The following INSL6 variants were observed in gnomAD, a reference collection of about 807,000 sequenced individuals.
The protein encoded by INSL6 is insulin-like peptide INSL6.
A neutral mutation model predicts 9.4 loss-of-function variants in INSL6; 16 were observed. The observed-to-expected ratio is 1.70, with a 90% CI of 1.15 to 2.59. INSL6 has a LOEUF of 2.59. Ranked by LOEUF, INSL6 falls within the 30% of genes most tolerant of loss-of-function variation. The probability of loss-of-function intolerance (pLI) is 0.00; values close to 1 mark genes in which losing one functional copy is unlikely to be tolerated. For missense variants in INSL6, 391 were observed against 257.3 expected, an observed-to-expected ratio of 1.52 and a Z score of -3.56; for synonymous variants, 154 against 96.9, an observed-to-expected ratio of 1.59 and a Z score of -3.46.
At chr9:5,115,523 G>C in the INSL6 span, among the ~76,000 whole-genome samples, 2 of 152,122 alleles carry the variant, frequency 1.3e-5, no homozygotes, top group Non-Finnish European at 1.5e-5. Flanking sequence ...AGGATCCAGA[G>C]TTAGAAATAC....
At chr9:5,050,681 T>A in the INSL6 span, 8 of 1,610,056 alleles carry the variant, frequency 5.0e-6, no homozygotes, top group Non-Finnish European at 6.8e-6. Context: ...AATTTTTGGT[T>A]TTAGTGGCGG....
chr9:5,084,385 A>C, the INSL6 span, among the ~76,000 whole-genome samples: 71 of 152,172 alleles, frequency 4.7e-4, no homozygotes, highest in African/African-American at 1.7e-3. Flanking sequence ...TCCTACAAAA[A>C]TGATTGCATG....
At chr9:5,096,618 G>A in the INSL6 span, 1 of 152,106 alleles carries the variant, frequency 6.6e-6, no homozygotes, top group Admixed American at 6.5e-5. Flanking sequence ...TCTGTCTTTA[G>A]ATTTACAGTC....
chr9:5,119,396 T>G (rs1338542161), downstream of INSL6, among the ~76,000 whole-genome samples: 1 of 152,076 alleles, frequency 6.6e-6, no homozygotes, highest in Non-Finnish European at 1.5e-5. Flanking sequence ...CACTTTCATG[T>G]ATAATTTTGT....
chr9:5,036,335 C>G, the INSL6 span, among the ~76,000 whole-genome samples: 1 of 152,198 alleles, frequency 6.6e-6, no homozygotes, highest in Non-Finnish European at 1.5e-5. Context: ...CCATCCCCAT[C>G]AAGCTACAGA....
chr9:5,110,847 G>A, the INSL6 span: 3,653 of 470,800 alleles, frequency 7.8e-3, 139 homozygotes, highest in African/African-American at 0.066. Context: ...AAGGTGGGGG[G>A]GACGCTTCAT....
chr9:5,137,300 C>G (rs1451367084), intron 2 of INSL6, among the ~76,000 whole-genome samples: 4 of 152,086 alleles, frequency 2.6e-5, no homozygotes, highest in South Asian at 4.2e-4. Flanking sequence ...AAAAAAAGAG[C>G]CTGCATAGCC....
At chr9:5,112,422 GCGGCTGA>G in the INSL6 span, 3 of 495,418 alleles carry the variant, frequency 6.1e-6, no homozygotes, top group Admixed American at 2.9e-5. Flanking sequence ...GAACACGTCG[GCGGCTGA>G]CCACTCAAGA....
chr9:5,123,749 C>G (rs547597441), downstream of INSL6, among the ~76,000 whole-genome samples: 1 of 152,016 alleles, frequency 6.6e-6, no homozygotes, highest in Non-Finnish European at 1.5e-5. Flanking sequence ...AGAGGTTGTA[C>G]AAATGCACAT....
the INSL6 span, among the ~76,000 whole-genome samples, chr9:5,107,039 A>G: frequency 6.6e-6 from 1 of 152,172 alleles, no homozygotes; most frequent in African/African-American, 2.4e-5. Flanking sequence ...ATAAAAATAT[A>G]TATACATCAC....
chr9:5,022,184 A>C, the INSL6 span: 3 of 1,614,066 alleles, frequency 1.9e-6, no homozygotes, highest in South Asian at 2.2e-5. Flanking sequence ...GTTGCAGAAG[A>C]AATCTGTATT....
chr9:5,065,158 A>G, the INSL6 span: 1 of 566,942 alleles, frequency 1.8e-6, no homozygotes, highest in Non-Finnish European at 2.8e-6. Flanking sequence ...AGTTTTTTTT[A>G]AACAAAAGGC....
chr9:5,031,677 CA>C, the INSL6 span, among the ~76,000 whole-genome samples: 1 of 152,192 alleles, frequency 6.6e-6, no homozygotes, highest in Non-Finnish European at 1.5e-5. Flanking sequence ...ATTTAAGTTG[CA>C]AAACAATAGA....
downstream of INSL6, among the ~76,000 whole-genome samples, chr9:5,121,760 G>C (rs1202373682): frequency 6.6e-6 from 1 of 152,060 alleles, no homozygotes; most frequent in East Asian, 1.9e-4. Context: ...TCAACAAGGG[G>C]AATTAATTTT....
chr9:5,112,761 T>C, the INSL6 span: 1 of 628,232 alleles, frequency 1.6e-6, no homozygotes, highest in Non-Finnish European at 2.5e-6. Context: ...GAAGAGAAGG[T>C]GTCGCGCGTG....
the INSL6 span, chr9:5,029,989 C>G: frequency 1.6e-6 from 2 of 1,227,494 alleles, no homozygotes; most frequent in African/African-American, 1.5e-5. Flanking sequence ...TTGCAAGGTA[C>G]TTAATACCAG....
the INSL6 span, among the ~76,000 whole-genome samples, chr9:5,058,344 G>T: frequency 6.6e-6 from 1 of 152,158 alleles, no homozygotes; most frequent in Admixed American, 6.5e-5. Flanking sequence ...TGAAGGGCAA[G>T]GAAGCCATGT....
the INSL6 span, among the ~76,000 whole-genome samples, chr9:5,117,807 G>T: frequency 6.6e-6 from 1 of 152,116 alleles, no homozygotes; most frequent in Non-Finnish European, 1.5e-5. Flanking sequence ...GAGATCAAAA[G>T]CTTTGAGAAC....
the INSL6 span, among the ~76,000 whole-genome samples, chr9:5,101,343 T>C: frequency 2.0e-5 from 3 of 152,214 alleles, no homozygotes; most frequent in Admixed American, 2.0e-4. Context: ...GCGTCCGCCA[T>C]TGCTGAGGCT....
Sources: allele counts gnomAD v4.1 joint callset (sites outside exome capture counted in the v4.1 genomes callset), GRCh38; gene constraint gnomAD v4.1.1; transcripts MANE v1.5; gene names NCBI Gene and HGNC (gene_info 2026-07-23, HGNC 2026-07-21).